Variants in DAB1 observed in about 807,000 individuals in gnomAD.
DAB1 encodes disabled homolog 1.
Under a neutral mutation model 64.6 loss-of-function variants are expected in DAB1, and 15 were observed. The observed-to-expected ratio is 0.23, with a 90% CI of 0.16 to 0.36. DAB1 has a LOEUF of 0.36. Among genes scored for constraint, DAB1 ranks in the 10% least tolerant of loss-of-function variants. The pLI is 1.00. For missense variants in DAB1, 596 were observed against 706.7 expected (o/e 0.84, Z 1.78); for synonymous variants, 235 against 251.9 (o/e 0.93, Z 0.64).
At chr1:57,423,257 G>T (rs1350769601) in intron 1 of DAB1, among the ~76,000 whole-genome samples, 1 of 151,160 alleles carries the variant, frequency 6.6e-6, no homozygotes, top group Non-Finnish European at 1.5e-5. Context: ...GGCGTGGGGG[G>T]AGGGGGTGCT....
At chr1:58,470,705 C>T (rs1158745727) in intron 3 of DAB1, among the ~76,000 whole-genome samples, 1 of 152,182 alleles carries the variant, frequency 6.6e-6, no homozygotes, top group African/African-American at 2.4e-5. Context: ...ATATTTGCAT[C>T]TCGCACGCAG....
chr1:57,172,262 C>G (rs1330389577), intron 2 of DAB1, among the ~76,000 whole-genome samples: 2 of 152,132 alleles, frequency 1.3e-5, no homozygotes, highest in East Asian at 1.9e-4. Context: ...TTCTGAGGTA[C>G]AGGGAGTTAG....
chr1:57,744,320 T>C (rs1341372121), intron 6 of DAB1, among the ~76,000 whole-genome samples: 1 of 152,104 alleles, frequency 6.6e-6, no homozygotes, highest in East Asian at 1.9e-4. Flanking sequence ...TAGTGTTATG[T>C]AGTGTTGTGT....
At chr1:57,891,181 C>A (rs1377160125) in intron 5 of DAB1, among the ~76,000 whole-genome samples, 1 of 152,054 alleles carries the variant, frequency 6.6e-6, no homozygotes, top group Non-Finnish European at 1.5e-5. Flanking sequence ...ACAAACAACC[C>A]CACCAAAGAG....
At chr1:57,799,123 T>G (rs970315256) in intron 6 of DAB1, among the ~76,000 whole-genome samples, 4 of 152,316 alleles carry the variant, frequency 2.6e-5, no homozygotes, top group African/African-American at 9.6e-5. Flanking sequence ...TTTCTTCGGC[T>G]GCAAAATGGG....
At chr1:57,129,480 A>G (rs1235595233) in intron 4 of DAB1, among the ~76,000 whole-genome samples, 4 of 152,264 alleles carry the variant, frequency 2.6e-5, no homozygotes, top group Non-Finnish European at 5.9e-5. Context: ...ATTGAATATA[A>G]TACACAAAGA....
chr1:57,701,168 T>A (rs1407468649), intron 6 of DAB1, among the ~76,000 whole-genome samples: 1 of 151,996 alleles, frequency 6.6e-6, no homozygotes, highest in East Asian at 1.9e-4. Context: ...GATCTAGAAC[T>A]AGAAATACCA....
chr1:58,174,190 G>A (rs1175294483), intron 4 of DAB1, among the ~76,000 whole-genome samples: 9 of 152,112 alleles, frequency 5.9e-5, no homozygotes, highest in Admixed American at 5.9e-4. Flanking sequence ...AATGTCACCT[G>A]GCATTTACAG....
intron 2 of DAB1, among the ~76,000 whole-genome samples, chr1:57,218,544 CA>C (rs1470146278): frequency 1.3e-5 from 1 of 78,050 alleles, no homozygotes; most frequent in Non-Finnish European, 2.5e-5. Flanking sequence ...AAAAAAAAAA[CA>C]GAAAAAAATT....
rs544288172 is a variant in DAB1, at chr1:57,572,403, G to A, written n.625+77189C>T. ...AATTTTTGTGAGGTGTTTGATGCAA[G>A]CACATACCCAATTTAAGAGTGTGGG... On this transcript the variant is annotated intron_variant and non_coding_transcript_variant, in intron 7 of 20. Coordinates refer to the DAB1 transcript ENST00000485760. 3.7e-3 allele frequency among the ~76,000 whole-genome samples: 559 copies of A among 152,310 alleles called. 3 individuals are homozygous for A. Among genetic ancestry groups the A allele is most frequent in the Non-Finnish European group, 6.6e-3 (450 of 68,030 alleles).
At chr1:57,060,717 G>C (rs1362542241) in intron 9 of DAB1, among the ~76,000 whole-genome samples, 1 of 152,104 alleles carries the variant, frequency 6.6e-6, no homozygotes, top group African/African-American at 2.4e-5. Context: ...AGAGTGGGGA[G>C]GGGTAAAACA....
At chr1:58,524,697 A>G (rs746557248) in intron 2 of DAB1, among the ~76,000 whole-genome samples, 6 of 152,220 alleles carry the variant, frequency 3.9e-5, no homozygotes, top group Non-Finnish European at 7.3e-5. Flanking sequence ...TCTACAGTAT[A>G]TATCAAGCAA....
intron 3 of DAB1, among the ~76,000 whole-genome samples, chr1:58,475,242 G>C (rs1645407137): frequency 6.6e-6 from 1 of 152,110 alleles, no homozygotes; most frequent in African/African-American, 2.4e-5. Context: ...TGTAACCTCT[G>C]CCTCCTGGGC....
intron 1 of DAB1, among the ~76,000 whole-genome samples, chr1:57,836,125 C>A (rs574845599): frequency 1.1e-4 from 17 of 152,280 alleles, no homozygotes; most frequent in African/African-American, 4.1e-4. Context: ...TATTTATTAC[C>A]TTACCACTAC....
At chr1:57,870,968 G>A (rs1459939130) in intron 1 of DAB1, among the ~76,000 whole-genome samples, 1 of 152,156 alleles carries the variant, frequency 6.6e-6, no homozygotes, top group African/African-American at 2.4e-5. Context: ...AAAGCGTTTA[G>A]TATAGCACCC....
intron 2 of DAB1, among the ~76,000 whole-genome samples, chr1:57,265,428 CCCCT>C (rs1670514354): frequency 6.6e-6 from 1 of 152,148 alleles, no homozygotes; most frequent in African/African-American, 2.4e-5. Context: ...ACTCTCTTTC[CCCCT>C]CCCTGTTCTT....
At chr1:58,009,250 T>C (rs1217252432) in intron 5 of DAB1, among the ~76,000 whole-genome samples, 2 of 152,170 alleles carry the variant, frequency 1.3e-5, no homozygotes, top group African/African-American at 4.8e-5. Context: ...CCAGTCCTTG[T>C]AAACCTAGTG....
chr1:57,062,666 C>A (rs1476783350), intron 9 of DAB1, among the ~76,000 whole-genome samples: 1 of 152,166 alleles, frequency 6.6e-6, no homozygotes, highest in Admixed American at 6.5e-5. Context: ...TGGGACCAGA[C>A]CTTCATCCAG....
chr1:57,561,656 C>T (rs1201187799), intron 7 of DAB1, among the ~76,000 whole-genome samples: 1 of 152,218 alleles, frequency 6.6e-6, no homozygotes, highest in Admixed American at 6.5e-5. Flanking sequence ...CCTCTTTCCC[C>T]AGTCACCCCG....
Sources: allele counts gnomAD v4.1 joint callset (sites outside exome capture counted in the v4.1 genomes callset), GRCh38; gene constraint gnomAD v4.1.1; transcripts MANE v1.5; gene names NCBI Gene and HGNC (gene_info 2026-07-23, HGNC 2026-07-21).